Variants in SKAP1 observed in about 807,000 individuals in gnomAD.
SKAP1 encodes src kinase-associated phosphoprotein 1.
In SKAP1, 44 loss-of-function variants were observed where a neutral mutation model predicts 58.5. The ratio of observed to expected loss-of-function variants is 0.75; its 90% CI spans 0.59 to 0.97. The LOEUF is 0.97. Ranked by LOEUF, SKAP1 falls within the 50% of genes least tolerant of loss-of-function variation. The pLI is 0.00. For missense variants in SKAP1, 390 were observed against 435.2 expected (o/e 0.90, Z 0.92); for synonymous variants, 127 against 149.7 (o/e 0.85, Z 1.11).
At chr17:48,140,762 T>C (rs992965320) in intron 11 of SKAP1, among the ~76,000 whole-genome samples, 1 of 140,630 alleles carries the variant, frequency 7.1e-6, no homozygotes. Context: ...TCTTCTTCTT[T>C]CTTCTTCTTC....
At chr17:48,335,410 C>T (rs1479083826) in intron 4 of SKAP1, among the ~76,000 whole-genome samples, 1 of 151,914 alleles carries the variant, frequency 6.6e-6, no homozygotes, top group Non-Finnish European at 1.5e-5. Context: ...TATTTCAAGG[C>T]AGAAGGGTTA....
intron 4 of SKAP1, among the ~76,000 whole-genome samples, chr17:48,309,604 C>A (rs1423130246): frequency 6.6e-6 from 1 of 152,024 alleles, no homozygotes; most frequent in Non-Finnish European, 1.5e-5. Context: ...TATATATATA[C>A]ATATATGTCC....
intron 4 of SKAP1, among the ~76,000 whole-genome samples, chr17:48,302,316 T>G (rs1228920972): frequency 4.6e-5 from 7 of 152,222 alleles, no homozygotes; most frequent in African/African-American, 2.4e-5. Context: ...AATATGATTT[T>G]TTTTTTCTGC....
At chr17:48,428,820 C>T (rs2067880562) in intron 1 of SKAP1, among the ~76,000 whole-genome samples, 1 of 152,138 alleles carries the variant, frequency 6.6e-6, no homozygotes, top group African/African-American at 2.4e-5. Flanking sequence ...CTTAGACACC[C>T]AGATAATTCT....
At chr17:48,383,330 G>T (rs1360017171) in intron 2 of SKAP1, among the ~76,000 whole-genome samples, 2 of 151,776 alleles carry the variant, frequency 1.3e-5, no homozygotes, top group African/African-American at 2.4e-5. Flanking sequence ...TTCTAATGAA[G>T]GATTCATCCT....
chr17:48,153,895 A>T (rs546199212), intron 11 of SKAP1, among the ~76,000 whole-genome samples: 82 of 127,162 alleles, frequency 6.4e-4, no homozygotes, highest in African/African-American at 2.2e-3. Flanking sequence ...CCCTGAAATT[A>T]AAAAAAAAAA....
At chr17:48,218,643 CT>C in intron 4 of SKAP1, among the ~76,000 whole-genome samples, 1 of 152,254 alleles carries the variant, frequency 6.6e-6, no homozygotes, top group Admixed American at 6.5e-5. Flanking sequence ...AAAACAATGA[CT>C]GTGTGAATGA....
intron 4 of SKAP1, among the ~76,000 whole-genome samples, chr17:48,229,442 T>C (rs944430227): frequency 6.6e-6 from 1 of 151,748 alleles, no homozygotes; most frequent in African/African-American, 2.4e-5. Context: ...CCAAGATGGT[T>C]AAACCTCATC....
intron 4 of SKAP1, among the ~76,000 whole-genome samples, chr17:48,220,873 A>AAAAAAG (rs2064996881): frequency 1.1e-5 from 1 of 91,754 alleles, no homozygotes; most frequent in Non-Finnish European, 2.1e-5. Context: ...AAAAAAAAAA[A>AAAAAAG]AAAAGAAAAG....
At chr17:48,221,800 G>A (rs1232313205) in intron 4 of SKAP1, among the ~76,000 whole-genome samples, 1 of 152,222 alleles carries the variant, frequency 6.6e-6, no homozygotes, top group South Asian at 2.1e-4. Flanking sequence ...GGATGGTGGC[G>A]TAATTTAAAA....
At chr17:48,191,872 A>G (rs1390824582) in intron 4 of SKAP1, among the ~76,000 whole-genome samples, 1 of 152,202 alleles carries the variant, frequency 6.6e-6, no homozygotes, top group Non-Finnish European at 1.5e-5. Flanking sequence ...CAGCAAAGGA[A>G]AGTTCATTTT....
intron 4 of SKAP1, among the ~76,000 whole-genome samples, chr17:48,204,688 G>C (rs1299607245): frequency 6.6e-6 from 1 of 152,182 alleles, no homozygotes. Flanking sequence ...CCAGAGAAGA[G>C]ACAGGTACCT....
At chr17:48,369,588 C>G (rs574244782) in intron 2 of SKAP1, among the ~76,000 whole-genome samples, 1 of 152,010 alleles carries the variant, frequency 6.6e-6, no homozygotes, top group East Asian at 1.9e-4. Flanking sequence ...TGATAAGCAG[C>G]AGTCACTGTA....
At chr17:48,235,855 A>G in intron 4 of SKAP1, among the ~76,000 whole-genome samples, 1 of 152,182 alleles carries the variant, frequency 6.6e-6, no homozygotes, top group South Asian at 2.1e-4. Context: ...CTATAGTCAA[A>G]TATACCAGAG....
the SKAP1 span, among the ~76,000 whole-genome samples, chr17:48,443,788 T>A: frequency 6.6e-6 from 1 of 152,160 alleles, no homozygotes; most frequent in Non-Finnish European, 1.5e-5. Flanking sequence ...TTGGGTTTTT[T>A]AAAAATAATT....
intron 4 of SKAP1, among the ~76,000 whole-genome samples, chr17:48,198,810 T>C (rs1263507293): frequency 1.3e-5 from 2 of 152,142 alleles, no homozygotes; most frequent in Non-Finnish European, 2.9e-5. Flanking sequence ...ATCCTTAATA[T>C]AGAACCGCAA....
At position 48,389,873 on chromosome 17, in the gene SKAP1, T is replaced by A. The variant is rs1054152419; in HGVS notation, c.152+6807A>T. On this transcript the variant is annotated intron_variant, in intron 2 of 12. Coordinates refer to ENST00000336915, the MANE Select transcript of SKAP1 (RefSeq NM_003726.4). Reference sequence around the variant, plus strand: ...TTCCTGCATCACATTCCAAATTTTTTAAAAAGTCATGGGGGTACCATAAAA... The same window carrying A: ...TTCCTGCATCACATTCCAAATTTTTAAAAAAGTCATGGGGGTACCATAAAA... Among the ~76,000 whole-genome samples, 6 of 152,218 alleles carry A rather than the reference T, an allele frequency of 3.9e-5. No individual in the cohort carries two copies. The East Asian group carries it at 5.8e-4, about 15-fold the overall frequency.
At chr17:48,288,514 C>T (rs955242362) in intron 4 of SKAP1, among the ~76,000 whole-genome samples, 6 of 152,066 alleles carry the variant, frequency 3.9e-5, no homozygotes, top group East Asian at 3.9e-4. Flanking sequence ...GGTGAAACCC[C>T]GTCTCTACTA....
intron 4 of SKAP1, among the ~76,000 whole-genome samples, chr17:48,201,828 GAATAACTGATT>G (rs1281253049): frequency 6.6e-6 from 1 of 152,180 alleles, no homozygotes; most frequent in Non-Finnish European, 1.5e-5. Flanking sequence ...TGTGCCAAAT[GAATAACTGATT>G]ACTCTTTAGG....
Sources: gnomAD v4.1 joint callset for allele counts (sites outside exome capture counted in the v4.1 genomes callset) on GRCh38, gnomAD v4.1.1 for gene constraint, MANE v1.5 for transcripts, NCBI Gene and HGNC (gene_info 2026-07-23, HGNC 2026-07-21) for gene names.